The following PLPP1 variants were observed in gnomAD, a reference collection of about 807,000 sequenced individuals.
The protein encoded by PLPP1 is phospholipid phosphatase 1, also known as lipid phosphate phosphohydrolase 1a.
PLPP1 carries 24 observed loss-of-function variants against 31.2 expected under a neutral mutation model. That is an observed-to-expected ratio of 0.77 (90% confidence interval 0.56 to 1.08). PLPP1 has a LOEUF of 1.08. Ranked by LOEUF, PLPP1 falls within the 50% of genes least tolerant of loss-of-function variation. The pLI, the probability that PLPP1 is intolerant of heterozygous loss-of-function variation, is 0.00. For synonymous variants in PLPP1, 146 were observed against 126.3 expected (o/e 1.16, Z -1.05); for missense variants, 319 against 342.7 (o/e 0.93, Z 0.55).
chr5:55,438,617 A>G (rs1751548974), intron 4 of PLPP1, among the ~76,000 whole-genome samples: 1 of 152,152 alleles, frequency 6.6e-6, no homozygotes, highest in South Asian at 2.1e-4. Flanking sequence ...AATGTTGTAC[A>G]TAGGCCAGGC....
rs112106488 is a variant in PLPP1 at position 55,529,839 on chromosome 5, A to C, written c.58+4733T>G. ...TAAAGTAAATGGGAGGAATGTACCA[A>C]ATTTCAAAAGCAACATAATGAAAAA... On this transcript the variant is annotated intron_variant, in intron 1 of 5. Coordinates refer to ENST00000307259, the MANE Select transcript of PLPP1 (RefSeq NM_003711.4). 5.1e-3 allele frequency among the ~76,000 whole-genome samples: 772 copies of C among 152,312 alleles called. 2 individuals carry two copies. Among genetic ancestry groups the C allele is most frequent in the African/African-American group, 0.018 (744 of 41,576 alleles).
At chr5:55,463,780 CATAAATAA>C (rs58202815) in intron 3 of PLPP1, among the ~76,000 whole-genome samples, 59,825 of 131,104 alleles carry the variant, frequency 0.46, 14,132 homozygotes, top group Non-Finnish European at 0.51. Context: ...GACCCTGTCC[CATAAATAA>C]ATAAATAAAT....
At chr5:55,521,339 A>G (rs371769412) in intron 1 of PLPP1, among the ~76,000 whole-genome samples, 175 of 100,610 alleles carry the variant, frequency 1.7e-3, no homozygotes, top group African/African-American at 6.3e-3. Flanking sequence ...GTGACAGAGC[A>G]AGACTCTGTC....
chr5:55,464,541 C>T (rs1302317658), intron 3 of PLPP1, among the ~76,000 whole-genome samples: 1 of 152,128 alleles, frequency 6.6e-6, no homozygotes, highest in Non-Finnish European at 1.5e-5. Context: ...CCAGCCAGAA[C>T]AGCTTTATTT....
intron 3 of PLPP1, among the ~76,000 whole-genome samples, chr5:55,455,835 T>G (rs941816566): frequency 1.3e-5 from 2 of 152,212 alleles, no homozygotes; most frequent in African/African-American, 4.8e-5. Flanking sequence ...TCAAGCCCCA[T>G]GCTAAATCTT....
intron 3 of PLPP1, among the ~76,000 whole-genome samples, chr5:55,458,724 C>T (rs1183932229): frequency 1.3e-5 from 2 of 151,468 alleles, no homozygotes; most frequent in Non-Finnish European, 2.9e-5. Context: ...CCCATCTCTA[C>T]TAAAAATGCA....
chr5:55,480,665 A>G (rs907260659), intron 1 of PLPP1, among the ~76,000 whole-genome samples: 1 of 152,164 alleles, frequency 6.6e-6, no homozygotes, highest in Admixed American at 6.5e-5. Flanking sequence ...GTATGTATAT[A>G]CCACATTTGG....
At chr5:55,532,860 G>A (rs182117799) in intron 1 of PLPP1, among the ~76,000 whole-genome samples, 1,537 of 151,724 alleles carry the variant, frequency 0.01, 18 homozygotes, top group Middle Eastern at 0.031. Context: ...AGGAGGCTGA[G>A]GCAGAGAACT....
At chr5:55,473,999 T>TTTTGTC (rs1561237100) in intron 2 of PLPP1, among the ~76,000 whole-genome samples, 4 of 144,670 alleles carry the variant, frequency 2.8e-5, no homozygotes, top group African/African-American at 1.1e-4. Context: ...TGTTTGTTGT[T>TTTTGTC]TTTTTTTTTT....
chr5:55,448,712 T>C (rs1344899508), intron 3 of PLPP1, among the ~76,000 whole-genome samples: 3 of 152,032 alleles, frequency 2.0e-5, no homozygotes, highest in Non-Finnish European at 4.4e-5. Context: ...CCTCCCAGAG[T>C]GTTGGGATTA....
At chr5:55,530,823 C>T (rs1740636365) in intron 1 of PLPP1, 3 of 1,317,974 alleles carry the variant, frequency 2.3e-6, no homozygotes, top group African/African-American at 2.9e-5. Context: ...TTTTGAGCAC[C>T]TCCTGACAGA....
chr5:55,427,976 G>A (rs966071597), intron 4 of PLPP1, among the ~76,000 whole-genome samples: 2 of 151,992 alleles, frequency 1.3e-5, no homozygotes, highest in African/African-American at 2.4e-5. Flanking sequence ...TAGTAGGGAC[G>A]ATGTTTCACT....
chr5:55,522,774 A>T lies in PLPP1; in HGVS notation c.58+11798T>A, dbSNP rs138702059. On this transcript the variant is annotated intron_variant, in intron 1 of 5. Transcript: ENST00000307259. The stretch of plus-strand genomic sequence containing the variant: ...AGCCTCACTCTGTCATCCAGTTTGG[A>T]GTGGCGCAATCTCGGCTCACTGCAA... Among the ~76,000 whole-genome samples, 210 of 151,986 alleles carry T rather than the reference A, an allele frequency of 1.4e-3. 2 individuals carry two copies. The highest frequency in any genetic ancestry group is 4.7e-3 in the African/African-American group (196 of 41,444).
intron 1 of PLPP1, among the ~76,000 whole-genome samples, chr5:55,517,550 C>T (rs1753578656): frequency 6.6e-6 from 1 of 152,154 alleles, no homozygotes; most frequent in Non-Finnish European, 1.5e-5. Flanking sequence ...AGAGCAACCA[C>T]CACAAAGCTC....
At chr5:55,448,979 G>GC (rs1169769247) in intron 3 of PLPP1, among the ~76,000 whole-genome samples, 6 of 152,240 alleles carry the variant, frequency 3.9e-5, no homozygotes, top group Non-Finnish European at 7.4e-5. Context: ...CTACTGTATT[G>GC]ATTAGGGAAT....
intron 3 of PLPP1, among the ~76,000 whole-genome samples, chr5:55,459,595 T>C (rs1752107226): frequency 6.6e-6 from 1 of 152,194 alleles, no homozygotes; most frequent in South Asian, 2.1e-4. Flanking sequence ...TCATATAAAG[T>C]ATGTTCTCTA....
chr5:55,443,190 A>ATATATATATAT (rs1458750100), intron 3 of PLPP1, among the ~76,000 whole-genome samples: 92 of 20,256 alleles, frequency 4.5e-3, no homozygotes, highest in South Asian at 0.013. Context: ...AAAAAAAAAA[A>ATATATATATAT]AAATATATAT....
At chr5:55,443,212 T>TATATATATATACAC (rs1169152710) in intron 3 of PLPP1, among the ~76,000 whole-genome samples, 6 of 105,002 alleles carry the variant, frequency 5.7e-5, no homozygotes, top group Non-Finnish European at 5.5e-5. Context: ...TATATATATA[T>TATATATATATACAC]ACACACACAC....
chr5:55,530,637 C>A, intron 1 of PLPP1: 5 of 1,589,738 alleles, frequency 3.1e-6, no homozygotes, highest in Non-Finnish European at 4.3e-6. Flanking sequence ...ACAGCATCTG[C>A]AGCTACCAGA....
Sources: gnomAD v4.1 joint callset for allele counts (sites outside exome capture counted in the v4.1 genomes callset) on GRCh38, gnomAD v4.1.1 for gene constraint, MANE v1.5 for transcripts, NCBI Gene and HGNC (gene_info 2026-07-23, HGNC 2026-07-21) for gene names.